TMEM164: variants seen among roughly 807,000 people sequenced by gnomAD.
TMEM164 encodes the protein transmembrane protein 164.
TMEM164 carries 4 observed loss-of-function variants against 18.8 expected under a neutral mutation model. The observed-to-expected ratio is 0.21, with a 90% CI of 0.10 to 0.49. The LOEUF is 0.49. Ranked by LOEUF, TMEM164 falls within the 20% of genes least tolerant of loss-of-function variation. TMEM164 has a pLI of 0.98. For synonymous variants in TMEM164, 86 were observed against 101.7 expected, an observed-to-expected ratio of 0.85 and a Z score of 0.93; for missense variants, 108 against 239.9, an observed-to-expected ratio of 0.45 and a Z score of 3.63.
intron 4 of TMEM164, among the ~76,000 whole-genome samples, chrX:110,125,554 C>G (rs1166543346): frequency 8.9e-6 from 1 of 111,814 alleles, no homozygotes; most frequent in Non-Finnish European, 1.9e-5. Flanking sequence ...GCACTGCAAT[C>G]AAAGGGCTGG....
chrX:110,040,481 G>A (rs1018216710), intron 2 of TMEM164, among the ~76,000 whole-genome samples: 1 of 111,872 alleles, frequency 8.9e-6, no homozygotes, highest in African/African-American at 3.3e-5. Flanking sequence ...CAGCAACTCA[G>A]CGAGTTCCAT....
intron 5 of TMEM164, among the ~76,000 whole-genome samples, chrX:110,157,878 G>C (rs961616399): frequency 3.6e-5 from 4 of 111,023 alleles, no homozygotes; most frequent in African/African-American, 1.3e-4. Context: ...TTGATTGGTT[G>C]GTTGATTGAT....
intron 3 of TMEM164, among the ~76,000 whole-genome samples, chrX:110,081,376 G>A (rs1305227895): frequency 1.8e-5 from 2 of 111,268 alleles, no homozygotes; most frequent in Admixed American, 1.9e-4. Context: ...TGTGTGCCTA[G>A]GCATGGTGGG....
chrX:110,087,816 G>A (rs993143960), intron 3 of TMEM164, among the ~76,000 whole-genome samples: 1 of 111,758 alleles, frequency 8.9e-6, no homozygotes, highest in African/African-American at 3.3e-5. Flanking sequence ...ATGCAAATAG[G>A]ATTATTTGGT....
intron 2 of TMEM164, among the ~76,000 whole-genome samples, chrX:110,045,796 A>G (rs1602525492): frequency 8.9e-6 from 1 of 112,171 alleles, no homozygotes; most frequent in East Asian, 2.8e-4. Context: ...TTGAAGGGAC[A>G]GAAACCATGA....
At chrX:110,135,772 A>G (rs1439237163) in intron 4 of TMEM164, among the ~76,000 whole-genome samples, 2 of 112,044 alleles carry the variant, frequency 1.8e-5, no homozygotes, top group East Asian at 2.8e-4. Flanking sequence ...AGATTCAACA[A>G]TATCTAACAT....
intron 2 of TMEM164, among the ~76,000 whole-genome samples, chrX:110,011,748 A>G (rs1933017256): frequency 8.9e-6 from 1 of 111,985 alleles, no homozygotes; most frequent in African/African-American, 3.2e-5. Flanking sequence ...GAGGATGGGA[A>G]TCTGCATTTA....
intron 4 of TMEM164, among the ~76,000 whole-genome samples, chrX:110,114,336 G>C (rs760039783): frequency 4.5e-5 from 5 of 111,863 alleles, no homozygotes; most frequent in Admixed American, 3.8e-4. Flanking sequence ...GCTACAAATA[G>C]TTCATAGTTT....
chrX:110,104,842 G>A (rs2066163238), intron 3 of TMEM164, among the ~76,000 whole-genome samples: 1 of 111,231 alleles, frequency 9.0e-6, no homozygotes, highest in Admixed American at 9.6e-5. Context: ...GCAGATTTTA[G>A]ACTGCTCAGG....
intron 3 of TMEM164, among the ~76,000 whole-genome samples, chrX:110,100,671 A>G (rs780387333): frequency 9.0e-5 from 10 of 111,487 alleles, no homozygotes; most frequent in Non-Finnish European, 1.9e-4. Flanking sequence ...TCCTGGGTTC[A>G]CACCATTCCC....
chrX:110,026,397 G>A (rs1157534276), intron 2 of TMEM164, among the ~76,000 whole-genome samples: 1 of 111,547 alleles, frequency 9.0e-6, no homozygotes, highest in Non-Finnish European at 1.9e-5. Flanking sequence ...TGAGCTGTAT[G>A]CTGGGTGTGG....
At chrX:110,046,756 T>C (rs1468751714) in intron 2 of TMEM164, among the ~76,000 whole-genome samples, 1 of 112,443 alleles carries the variant, frequency 8.9e-6, no homozygotes, top group African/African-American at 3.2e-5. Flanking sequence ...CCCAGCTTTC[T>C]TGTTGGCTGA....
At chrX:110,076,679 T>G (rs779117613) in intron 3 of TMEM164, among the ~76,000 whole-genome samples, 1 of 112,105 alleles carries the variant, frequency 8.9e-6, no homozygotes, top group South Asian at 3.7e-4. Flanking sequence ...TATGTTTTCA[T>G]TAATGTCGAA....
intron 4 of TMEM164, among the ~76,000 whole-genome samples, chrX:110,140,022 G>A (rs1303309876): frequency 9.0e-6 from 1 of 111,506 alleles, no homozygotes; most frequent in Non-Finnish European, 1.9e-5. Context: ...TGAGGAGCAT[G>A]GAGGGCAAGG....
intron 2 of TMEM164, among the ~76,000 whole-genome samples, chrX:110,039,371 C>T (rs1934991627): frequency 8.9e-6 from 1 of 112,486 alleles, no homozygotes; most frequent in African/African-American, 3.2e-5. Flanking sequence ...GACAGATTTT[C>T]TTGACAGAGG....
intron 3 of TMEM164, among the ~76,000 whole-genome samples, chrX:110,078,760 A>G (rs2065708699): frequency 8.9e-6 from 1 of 112,036 alleles, no homozygotes; most frequent in African/African-American, 3.2e-5. Flanking sequence ...CGGAGGTTGC[A>G]GTGAGCCGAG....
intron 4 of TMEM164, among the ~76,000 whole-genome samples, chrX:110,136,335 T>A (rs755564532): frequency 1.8e-5 from 2 of 111,614 alleles, no homozygotes; most frequent in Non-Finnish European, 1.9e-5. Context: ...CCTAAGGAGT[T>A]TGTGGCCCCA....
chrX:110,095,212 T>G (rs2065996325), intron 3 of TMEM164, among the ~76,000 whole-genome samples: 1 of 111,753 alleles, frequency 8.9e-6, no homozygotes, highest in South Asian at 3.7e-4. Context: ...TTTCCTGAAT[T>G]TGAATGTTGG....
chrX:110,136,979 A>G (rs1355941759), intron 4 of TMEM164, among the ~76,000 whole-genome samples: 2 of 111,784 alleles, frequency 1.8e-5, no homozygotes, highest in Non-Finnish European at 3.8e-5. Flanking sequence ...GGTCCACCAA[A>G]TGGGGTGCAA....
Sources: allele counts gnomAD v4.1 joint callset (sites outside exome capture counted in the v4.1 genomes callset), GRCh38; gene constraint gnomAD v4.1.1; transcripts MANE v1.5; gene names NCBI Gene and HGNC (gene_info 2026-07-23, HGNC 2026-07-21).